The following SIPA1L3 variants were observed in gnomAD, a reference collection of about 807,000 sequenced individuals.
The protein encoded by SIPA1L3 is signal induced proliferation associated 1 like 3.
Under a neutral mutation model 150.1 loss-of-function variants are expected in SIPA1L3, and 59 were observed. The ratio of observed to expected loss-of-function variants is 0.39; its 90% CI spans 0.32 to 0.49. The LOEUF (loss-of-function observed/expected upper bound fraction) is 0.49, where lower values mean the gene tolerates loss of function less well. SIPA1L3 is among the 20% of genes least tolerant of loss of function. The probability of loss-of-function intolerance (pLI) is 0.86; values close to 1 mark genes in which losing one functional copy is unlikely to be tolerated. For synonymous variants in SIPA1L3, 1,070 were observed against 1,077.6 expected (o/e 0.99, Z 0.14); for missense variants, 2,211 against 2,489.5 (o/e 0.89, Z 2.38).
At chr19:38,109,784 G>C (rs1970698735) in intron 7 of SIPA1L3, 1 of 163,870 alleles carries the variant, frequency 6.1e-6, no homozygotes, top group African/African-American at 2.4e-5. Flanking sequence ...GAAACAAAAT[G>C]AAGTGGGGAA....
chr19:38,180,085 C>T (rs2146019432), intron 15 of SIPA1L3, among the ~76,000 whole-genome samples: 1 of 152,308 alleles, frequency 6.6e-6, no homozygotes, highest in South Asian at 2.1e-4. Flanking sequence ...ATCCACCTGC[C>T]TTGGCTTCTC....
chr19:38,030,744 C>T (rs1374779412), intron 2 of SIPA1L3, among the ~76,000 whole-genome samples: 1 of 151,736 alleles, frequency 6.6e-6, no homozygotes, highest in African/African-American at 2.4e-5. Flanking sequence ...AACATTCTCT[C>T]TTGTTTCTGT....
In SIPA1L3 at chr19:38,081,483, C is replaced by T; in HGVS notation, c.-83C>T. ...ATCCTTCATCCTGGGCCTGGCTGCC[C>T]TGAACAATGGCTGAGGGCTGGGGGA... On this transcript the variant is annotated 5_prime_UTR_variant, in exon 3 of 22. Transcript: ENST00000222345. 1 of 1,383,160 alleles carries T rather than the reference C, an allele frequency of 7.2e-7. No individual in the cohort carries two copies. The highest frequency in any genetic ancestry group is 9.8e-7 in the Non-Finnish European group (1 of 1,021,896). The allele number at this position is 1,383,160 out of a possible 1,614,324, so 85.7% of individuals were successfully genotyped here. A position where few individuals can be genotyped will look rare whatever the true frequency, so the allele number is the denominator to read the frequency against.
chr19:38,158,105 C>T (rs907935921), intron 13 of SIPA1L3, among the ~76,000 whole-genome samples: 23 of 152,072 alleles, frequency 1.5e-4, no homozygotes, highest in Admixed American at 2.6e-4. Flanking sequence ...TAGTGGCGGG[C>T]ACCTGTAATC....
intron 1 of SIPA1L3, among the ~76,000 whole-genome samples, chr19:37,988,770 G>C (rs1018072904): frequency 2.2e-4 from 33 of 152,282 alleles, no homozygotes; most frequent in African/African-American, 7.9e-4. Context: ...ATCTGGCCCT[G>C]TCACCTCTCT....
At chr19:37,989,635 C>T (rs1195749892) in intron 1 of SIPA1L3, among the ~76,000 whole-genome samples, 1 of 151,490 alleles carries the variant, frequency 6.6e-6, no homozygotes, top group African/African-American at 2.4e-5. Context: ...CCTCAGAACA[C>T]ACATCAGGCC....
At chr19:38,103,498 C>A (rs1431833465) in intron 6 of SIPA1L3, among the ~76,000 whole-genome samples, 1 of 151,800 alleles carries the variant, frequency 6.6e-6, no homozygotes, top group African/African-American at 2.4e-5. Flanking sequence ...TGTGGTGGCA[C>A]ATGCCTGTAA....
intron 21 of SIPA1L3, among the ~76,000 whole-genome samples, chr19:38,205,797 C>T (rs145258210): frequency 2.6e-5 from 4 of 152,276 alleles, no homozygotes; most frequent in East Asian, 1.9e-4. Context: ...AGGTGGGATG[C>T]GGTGACAATA....
At chr19:38,156,762 T>A (rs182172188) in intron 13 of SIPA1L3, among the ~76,000 whole-genome samples, 182 of 151,920 alleles carry the variant, frequency 1.2e-3, no homozygotes, top group Admixed American at 5.3e-3. Context: ...GAGACAGAGG[T>A]TGCAGTGAGC....
intron 18 of SIPA1L3, among the ~76,000 whole-genome samples, chr19:38,196,864 G>A (rs986890100): frequency 2.6e-5 from 4 of 152,164 alleles, no homozygotes; most frequent in African/African-American, 4.8e-5. Flanking sequence ...AGAGCTGAAC[G>A]GCCTGAGTTT....
At chr19:37,956,058 T>C (rs185643773) in intron 1 of SIPA1L3, among the ~76,000 whole-genome samples, 164 of 152,356 alleles carry the variant, frequency 1.1e-3, no homozygotes, top group African/African-American at 3.9e-3. Flanking sequence ...GGCGTGATCA[T>C]GGCGCACTAC....
rs73633155 is a variant in SIPA1L3, at chr19:37,952,772, C to T, written c.-379+45414C>T. On this transcript the variant is annotated intron_variant, in intron 1 of 21. Transcript: ENST00000222345. ...CACTTTGCTAGACTTTCCTGAGTGGCGGTTCTTAGCTTTATGTGATCAACA... is the reference window on the plus strand; with the variant it reads ...CACTTTGCTAGACTTTCCTGAGTGGTGGTTCTTAGCTTTATGTGATCAACA... 5.9e-3 allele frequency among the ~76,000 whole-genome samples: 892 copies of T among 152,320 alleles called. 10 individuals carry two copies. Among genetic ancestry groups the T allele is most frequent in the African/African-American group, 0.02 (836 of 41,574 alleles).
At chr19:37,978,585 G>T (rs1421773325) in intron 1 of SIPA1L3, among the ~76,000 whole-genome samples, 1 of 152,082 alleles carries the variant, frequency 6.6e-6, no homozygotes, top group Non-Finnish European at 1.5e-5. Context: ...CCAAAGCTTG[G>T]GTTTGTCCTT....
intron 1 of SIPA1L3, among the ~76,000 whole-genome samples, chr19:37,985,977 C>T (rs1414016107): frequency 6.6e-6 from 1 of 152,222 alleles, no homozygotes. Flanking sequence ...AAAGCGGTGG[C>T]GCTTTGTGCC....
chr19:37,990,081 C>T (rs1967464580), intron 1 of SIPA1L3, among the ~76,000 whole-genome samples: 1 of 152,144 alleles, frequency 6.6e-6, no homozygotes, highest in Non-Finnish European at 1.5e-5. Context: ...GGCTCCTTCT[C>T]TGGCGTTTCC....
chr19:37,927,204 C>T (rs1421567238), intron 1 of SIPA1L3, among the ~76,000 whole-genome samples: 3 of 138,854 alleles, frequency 2.2e-5, no homozygotes, highest in South Asian at 2.3e-4. Context: ...AGTGTAGTGG[C>T]GCAATTTCAG....
intron 13 of SIPA1L3, among the ~76,000 whole-genome samples, chr19:38,158,424 G>A (rs946385338): frequency 6.6e-6 from 1 of 152,186 alleles, no homozygotes. Context: ...CCCATGTGGT[G>A]AGAACTGAGA....
chr19:38,190,145 C>T (rs1972775178), intron 16 of SIPA1L3, among the ~76,000 whole-genome samples: 2 of 152,148 alleles, frequency 1.3e-5, no homozygotes, highest in South Asian at 2.1e-4. Context: ...TTTATTCATG[C>T]TTCCAGGAGG....
intron 1 of SIPA1L3, among the ~76,000 whole-genome samples, chr19:37,909,973 TAAAAAAA>T (rs34356507): frequency 2.1e-5 from 3 of 143,246 alleles, no homozygotes; most frequent in African/African-American, 7.7e-5. Context: ...AGCAGTGGCT[TAAAAAAA>T]AAAAAAAAAA....
Sources: gnomAD v4.1 joint callset for allele counts (sites outside exome capture counted in the v4.1 genomes callset) on GRCh38, gnomAD v4.1.1 for gene constraint, MANE v1.5 for transcripts, NCBI Gene and HGNC (gene_info 2026-07-23, HGNC 2026-07-21) for gene names.